The following FOXP1 variants were observed in gnomAD, a reference collection of about 807,000 sequenced individuals.
The protein encoded by FOXP1 is forkhead box P1, also known as forkhead box protein P1.
Under a neutral mutation model 98.2 loss-of-function variants are expected in FOXP1, and 15 were observed. The ratio of observed to expected loss-of-function variants is 0.15; its 90% confidence interval spans 0.10 to 0.24. The LOEUF (loss-of-function observed/expected upper bound fraction) is 0.24. Ranked by LOEUF, FOXP1 falls within the 10% of genes least tolerant of loss-of-function variation. The pLI, the probability that FOXP1 is intolerant of heterozygous loss-of-function variation, is 1.00. For synonymous variants in FOXP1, 371 were observed against 314.5 expected (o/e 1.18, Z -1.90); for missense variants, 633 against 848.5 (o/e 0.75, Z 3.15).
intron 7 of FOXP1, among the ~76,000 whole-genome samples, chr3:71,068,398 G>A (rs564537090): frequency 1.3e-5 from 2 of 152,324 alleles, no homozygotes; most frequent in African/African-American, 4.8e-5. Flanking sequence ...ATTAAAGGAA[G>A]AGTCAGGAGG....
intron 5 of FOXP1, among the ~76,000 whole-genome samples, chr3:71,218,404 C>A (rs944287249): frequency 5.3e-5 from 8 of 152,186 alleles, no homozygotes; most frequent in African/African-American, 1.9e-4. Flanking sequence ...GAAAATCTCT[C>A]TTCTGTTTGC....
At chr3:71,528,747 A>G (rs1473531088) in intron 2 of FOXP1, among the ~76,000 whole-genome samples, 2 of 152,236 alleles carry the variant, frequency 1.3e-5, no homozygotes, top group Admixed American at 6.5e-5. Context: ...AACATGTGAC[A>G]TTTAAGATAG....
At chr3:71,461,098 G>A (rs2108538811) in intron 3 of FOXP1, among the ~76,000 whole-genome samples, 1 of 152,226 alleles carries the variant, frequency 6.6e-6, no homozygotes, top group Non-Finnish European at 1.5e-5. Context: ...TTTATCTTGG[G>A]GAAGTTAAAA....
intron 6 of FOXP1, among the ~76,000 whole-genome samples, chr3:71,130,278 C>G (rs1266979113): frequency 1.3e-5 from 2 of 151,982 alleles, no homozygotes; most frequent in African/African-American, 4.8e-5. Context: ...TATTTGAAAA[C>G]AAGAGTGAAT....
intron 1 of FOXP1, chr3:71,582,262 T>C: frequency 1.0e-6 from 1 of 984,804 alleles, no homozygotes; most frequent in Non-Finnish European, 1.2e-6. Flanking sequence ...AATCTAAGTT[T>C]CCGAGCGCGA....
intron 6 of FOXP1, chr3:71,130,771 T>C (rs2059525959): frequency 6.9e-7 from 1 of 1,439,720 alleles, no homozygotes; most frequent in Non-Finnish European, 9.1e-7. Flanking sequence ...CAAGAATTCC[T>C]CAAGTAATTC....
chr3:71,115,309 T>A (rs2058275461), intron 6 of FOXP1, among the ~76,000 whole-genome samples: 1 of 115,808 alleles, frequency 8.6e-6, no homozygotes, highest in Admixed American at 9.2e-5. Flanking sequence ...TTATTATTAT[T>A]ATTATTATTT....
chr3:70,997,188 C>T (rs1036436604), intron 13 of FOXP1, among the ~76,000 whole-genome samples: 11 of 152,160 alleles, frequency 7.2e-5, no homozygotes, highest in South Asian at 4.1e-4. Context: ...CAACAGAAAA[C>T]GGAAATAGGC....
intron 2 of FOXP1, among the ~76,000 whole-genome samples, chr3:71,579,444 T>C (rs2047976407): frequency 6.6e-6 from 1 of 152,120 alleles, no homozygotes; most frequent in African/African-American, 2.4e-5. Flanking sequence ...TAAATTTTCC[T>C]AGACAACAAG....
intron 6 of FOXP1, among the ~76,000 whole-genome samples, chr3:71,164,913 G>A (rs1428224167): frequency 6.6e-6 from 1 of 152,010 alleles, no homozygotes; most frequent in Non-Finnish European, 1.5e-5. Context: ...AAGTTATAAA[G>A]AAAAAAGAGA....
At chr3:71,479,914 C>T (rs1273897844) in intron 3 of FOXP1, among the ~76,000 whole-genome samples, 1 of 151,966 alleles carries the variant, frequency 6.6e-6, no homozygotes, top group East Asian at 1.9e-4. Flanking sequence ...AAAACAGAAA[C>T]AGGCTGGGTA....
chr3:71,198,082 A>G (rs1481078651), intron 6 of FOXP1, 120 bp downstream of exon 6: 11 of 1,614,156 alleles, frequency 6.8e-6, no homozygotes, highest in Non-Finnish European at 8.5e-6. Context: ...ACAGACAGAA[A>G]GACAGATGGA....
At chr3:70,982,052 C>T (rs558700986) in intron 14 of FOXP1, among the ~76,000 whole-genome samples, 1 of 152,222 alleles carries the variant, frequency 6.6e-6, no homozygotes, top group South Asian at 2.1e-4. Context: ...GGAGGAGAAA[C>T]CATCTTCGAA....
At chr3:71,272,350 G>T (rs148282502) in intron 5 of FOXP1, among the ~76,000 whole-genome samples, 1 of 152,274 alleles carries the variant, frequency 6.6e-6, no homozygotes, top group East Asian at 1.9e-4. Flanking sequence ...GGTCAACTTC[G>T]ATGTCCTCCT....
chr3:71,461,057 T>C (rs930889498), intron 3 of FOXP1, among the ~76,000 whole-genome samples: 1 of 152,216 alleles, frequency 6.6e-6, no homozygotes, highest in Non-Finnish European at 1.5e-5. Flanking sequence ...TAGACGTTTT[T>C]GTTTGTTTGG....
intron 19 of FOXP1, chr3:70,970,470 G>C (rs1353347287): frequency 4.2e-6 from 2 of 471,518 alleles, no homozygotes; most frequent in Non-Finnish European, 7.7e-6. Context: ...TCTGAAATAA[G>C]AGGATGGAAA....
At chr3:71,380,208 A>G (rs1471525295) in intron 3 of FOXP1, among the ~76,000 whole-genome samples, 1 of 152,174 alleles carries the variant, frequency 6.6e-6, no homozygotes, top group Non-Finnish European at 1.5e-5. Flanking sequence ...GTCAGAGTGG[A>G]GTCAGAAATG....
At chr3:71,021,077 C>T (rs935408102) in intron 11 of FOXP1, among the ~76,000 whole-genome samples, 2 of 152,212 alleles carry the variant, frequency 1.3e-5, no homozygotes, top group African/African-American at 2.4e-5. Context: ...TCATACAATT[C>T]ACTCACTTAA....
chr3:71,053,010 G>C (rs996524493), intron 8 of FOXP1, among the ~76,000 whole-genome samples: 1 of 152,154 alleles, frequency 6.6e-6, no homozygotes, highest in African/African-American at 2.4e-5. Flanking sequence ...TGGACAGCCT[G>C]GGAGCTTCCG....
Sources: allele counts gnomAD v4.1 joint callset (sites outside exome capture counted in the v4.1 genomes callset), GRCh38; gene constraint gnomAD v4.1.1; transcripts MANE v1.5; gene names NCBI Gene and HGNC (gene_info 2026-07-23, HGNC 2026-07-21).